ROR1: variants seen among roughly 807,000 people sequenced by gnomAD.
The protein encoded by ROR1 is ROR family WNT receptor 1.
In ROR1, 19 loss-of-function variants were observed where a neutral mutation model predicts 78.8. The observed-to-expected ratio is 0.24, with a 90% CI of 0.17 to 0.35. ROR1 has a LOEUF of 0.35. Ranked by LOEUF, ROR1 falls within the 10% of genes least tolerant of loss-of-function variation. ROR1 has a pLI of 1.00. For synonymous variants in ROR1, 386 were observed against 433.6 expected (o/e 0.89, Z 1.36); for missense variants, 917 against 1,177.8 (o/e 0.78, Z 3.24).
rs1224810805 is a variant in ROR1, at chr1:63,827,023, A to G, written c.91+52515A>G. Reference sequence around the variant, plus strand: ...CAAGGAATGAGATCATGTCCTTTGCAGGGACATGGATGGTGCTGGAAGCCG... The same window carrying G: ...CAAGGAATGAGATCATGTCCTTTGCGGGGACATGGATGGTGCTGGAAGCCG... On this transcript the variant is annotated intron_variant, in intron 1 of 8. Coordinates refer to ENST00000371079, the MANE Select transcript of ROR1 (RefSeq NM_005012.4). 4.6e-5 allele frequency among the ~76,000 whole-genome samples: 7 copies of G among 151,986 alleles called. No homozygotes were observed. In the South Asian group the frequency reaches 1.3e-3, roughly 27 times the overall value.
intron 1 of ROR1, among the ~76,000 whole-genome samples, chr1:63,952,700 C>T (rs1422338620): frequency 1.3e-5 from 2 of 152,098 alleles, no homozygotes; most frequent in African/African-American, 2.4e-5. Context: ...TTGATATTTA[C>T]TAATGTGAAT....
chr1:63,823,253 G>T (rs1644933815), intron 1 of ROR1, among the ~76,000 whole-genome samples: 1 of 151,906 alleles, frequency 6.6e-6, no homozygotes, highest in African/African-American at 2.4e-5. Flanking sequence ...TATGGAATTT[G>T]TCCACAGTTA....
intron 8 of ROR1, among the ~76,000 whole-genome samples, 187 bp from the exon 9 acceptor site, chr1:64,177,241 G>A (rs1446427967): frequency 6.6e-6 from 1 of 152,218 alleles, no homozygotes; most frequent in African/African-American, 2.4e-5. Flanking sequence ...ATAGGGTAGT[G>A]ATGGAAAGTT....
At position 64,173,113 on chromosome 1, in the gene ROR1, T is replaced by G. The variant is rs1650285053; in HGVS notation, c.1387-4315T>G. ...TAAAAATGCAAATCACTGTGGAAAT[T>G]GTTCCCCTGAAACCAAGCTAGGAGC... is the stretch of plus-strand genomic sequence containing the variant. On this transcript the variant is annotated intron_variant, in intron 8 of 8. Transcript: ENST00000371079. Among the ~76,000 whole-genome samples, 3 of 152,352 alleles carry G rather than the reference T, an allele frequency of 2.0e-5. No individual in the cohort carries two copies. The South Asian group carries it at 6.2e-4, about 32-fold the overall frequency.
intron 1 of ROR1, among the ~76,000 whole-genome samples, chr1:63,987,939 TAAG>T (rs1329924788): frequency 6.6e-6 from 1 of 152,162 alleles, no homozygotes; most frequent in Admixed American, 6.5e-5. Flanking sequence ...TTCCTTATTC[TAAG>T]AAGATTTGCT....
chr1:64,164,137 CCT>C (rs1296345427), intron 8 of ROR1, among the ~76,000 whole-genome samples: 1 of 152,128 alleles, frequency 6.6e-6, no homozygotes, highest in African/African-American at 2.4e-5. Flanking sequence ...ACATTCTTTT[CCT>C]CTCTCATTCT....
chr1:64,014,940 A>G (rs536817529), intron 2 of ROR1, among the ~76,000 whole-genome samples: 18 of 150,014 alleles, frequency 1.2e-4, no homozygotes, highest in African/African-American at 4.4e-4. Flanking sequence ...CTGTTACTGT[A>G]TTAATCCATT....
intron 1 of ROR1, among the ~76,000 whole-genome samples, chr1:63,989,162 G>GTTTTTTTTTTTTTTTTTTTTTTTT (rs1287163623): frequency 8.5e-6 from 1 of 117,398 alleles, no homozygotes; most frequent in African/African-American, 2.9e-5. Context: ...GTCATTTTCT[G>GTTTTTTTTTTTTTTTTTTTTTTTT]TTTTTGTTTT....
intron 8 of ROR1, among the ~76,000 whole-genome samples, chr1:64,165,735 C>T (rs1471078570): frequency 6.4e-5 from 8 of 124,456 alleles, no homozygotes; most frequent in South Asian, 2.5e-4. Context: ...GATGGAATCT[C>T]GCTTTGTCAC....
intron 1 of ROR1, among the ~76,000 whole-genome samples, chr1:63,852,420 C>G (rs1645120225): frequency 6.6e-6 from 1 of 152,228 alleles, no homozygotes; most frequent in Non-Finnish European, 1.5e-5. Context: ...CGCACAACAG[C>G]CTTTCTGATC....
intron 1 of ROR1, among the ~76,000 whole-genome samples, chr1:63,822,279 T>G (rs1644927984): frequency 6.6e-6 from 1 of 152,208 alleles, no homozygotes. Flanking sequence ...TAGATATTTG[T>G]TGAACAAGTG....
intron 7 of ROR1, among the ~76,000 whole-genome samples, chr1:64,145,665 C>T (rs1191896767): frequency 6.6e-6 from 1 of 152,126 alleles, no homozygotes; most frequent in East Asian, 1.9e-4. Context: ...TTATTTTCAA[C>T]AGTGATAAGA....
rs757301104 is a variant in ROR1, at chr1:64,177,445, A to G, written c.1404A>G (p.Leu468=). ...TCATACAGAGCAAGGCTAAAGAGCT[A>G]CCTCTTTCTGCTGTACGCTTTATGG... ...AYKPKSKAKE[L]PLSAVRFMEE... The change falls in exon 9 of 9, where the codon CTA becomes CTG. Residue 468 remains leucine (L), a synonymous_variant. Coordinates refer to ENST00000371079, the MANE Select transcript of ROR1 (RefSeq NM_005012.4). 2 of 1,613,522 alleles carry G rather than the reference A, an allele frequency of 1.2e-6. No individual in the cohort carries two copies. The highest frequency in any genetic ancestry group is 2.2e-5 in the South Asian group (2 of 90,988).
chr1:63,947,273 A>G (rs2100464998), intron 1 of ROR1, among the ~76,000 whole-genome samples: 1 of 152,266 alleles, frequency 6.6e-6, no homozygotes, highest in East Asian at 1.9e-4. Flanking sequence ...CAGAATGGGG[A>G]TATTTAGCTT....
chr1:64,042,449 A>T (rs1203309492), intron 2 of ROR1, among the ~76,000 whole-genome samples: 1 of 152,204 alleles, frequency 6.6e-6, no homozygotes, highest in Non-Finnish European at 1.5e-5. Context: ...GAAGCCAAGC[A>T]GTCTAGCTCC....
chr1:64,083,768 A>C (rs1647126407), intron 4 of ROR1, among the ~76,000 whole-genome samples: 1 of 152,170 alleles, frequency 6.6e-6, no homozygotes, highest in African/African-American at 2.4e-5. Context: ...GTGAGAGTGA[A>C]GAACCTCACG....
At chr1:64,104,729 G>A (rs1230511169) in intron 4 of ROR1, among the ~76,000 whole-genome samples, 1 of 152,094 alleles carries the variant, frequency 6.6e-6, no homozygotes, top group Non-Finnish European at 1.5e-5. Flanking sequence ...TTCTGTTCTT[G>A]TGATAGTTTG....
intron 1 of ROR1, among the ~76,000 whole-genome samples, chr1:63,926,523 T>C (rs1229871052): frequency 6.7e-6 from 1 of 150,034 alleles, no homozygotes; most frequent in African/African-American, 2.5e-5. Flanking sequence ...AACTTTAAAG[T>C]AGTTTTTTCC....
intron 2 of ROR1, among the ~76,000 whole-genome samples, chr1:64,042,912 C>T (rs934567010): frequency 2.0e-5 from 3 of 152,216 alleles, no homozygotes; most frequent in African/African-American, 7.2e-5. Flanking sequence ...TGTTTGGCAG[C>T]CTTCCTTTAT....
Sources: allele counts gnomAD v4.1 joint callset (sites outside exome capture counted in the v4.1 genomes callset), GRCh38; gene constraint gnomAD v4.1.1; transcripts MANE v1.5; gene names NCBI Gene and HGNC (gene_info 2026-07-23, HGNC 2026-07-21).